The following RNF180 variants were observed in gnomAD, a reference collection of about 807,000 sequenced individuals.
RNF180 encodes E3 ubiquitin-protein ligase RNF180.
RNF180 carries 38 observed loss-of-function variants against 59.2 expected under a neutral mutation model. The ratio of observed to expected loss-of-function variants is 0.64; its 90% CI spans 0.50 to 0.84. The LOEUF is 0.84. Ranked by LOEUF, RNF180 falls within the 40% of genes least tolerant of loss-of-function variation. RNF180 has a pLI of 0.00. For synonymous variants in RNF180, 262 were observed against 240.3 expected (o/e 1.09, Z -0.84); for missense variants, 705 against 700.9 (o/e 1.01, Z -0.07).
chr5:64,327,938 G>A (rs1744725109), intron 6 of RNF180, among the ~76,000 whole-genome samples: 1 of 152,018 alleles, frequency 6.6e-6, no homozygotes, highest in South Asian at 2.1e-4. Flanking sequence ...TTTTATCTGG[G>A]TGTTCCAGTG....
intron 5 of RNF180, among the ~76,000 whole-genome samples, chr5:64,295,682 C>T (rs1474872954): frequency 6.6e-6 from 1 of 152,112 alleles, no homozygotes; most frequent in Non-Finnish European, 1.5e-5. Context: ...TTGGGGAACC[C>T]CAGGTAATGC....
At chr5:64,229,303 T>C (rs1341977916) in intron 5 of RNF180, among the ~76,000 whole-genome samples, 1 of 152,218 alleles carries the variant, frequency 6.6e-6, no homozygotes, top group Non-Finnish European at 1.5e-5. Context: ...TCTGTACTTT[T>C]GTGACCCTCT....
At chr5:64,207,873 C>T (rs1752100198) in intron 2 of RNF180, among the ~76,000 whole-genome samples, 1 of 152,014 alleles carries the variant, frequency 6.6e-6, no homozygotes, top group Non-Finnish European at 1.5e-5. Flanking sequence ...AGTCTTTTCC[C>T]TGTGGTGTTA....
At chr5:64,315,734 CA>C (rs869200360) in intron 5 of RNF180, among the ~76,000 whole-genome samples, 4,062 of 53,046 alleles carry the variant, frequency 0.077, 69 homozygotes, top group African/African-American at 0.16. Flanking sequence ...GTAACTGTCT[CA>C]AAAAAAAAAA....
intron 1 of RNF180, among the ~76,000 whole-genome samples, chr5:64,187,672 G>A (rs889071474): frequency 2.0e-5 from 3 of 151,932 alleles, no homozygotes; most frequent in African/African-American, 7.3e-5. Context: ...TGAAGTATCT[G>A]ATATCTTTCA....
rs147272311 is a variant in RNF180, at chr5:64,287,853, C to T, written c.1228-37333C>T. ...AGTTTTCTCCCATTCTTTAGGTTGTCGGTTCACTCTGATGATAGCTTCTTT... is the reference window on the plus strand; with the variant it reads ...AGTTTTCTCCCATTCTTTAGGTTGTTGGTTCACTCTGATGATAGCTTCTTT... On this transcript the variant is annotated intron_variant, in intron 5 of 7. Transcript: ENST00000389100. Among the ~76,000 whole-genome samples the T allele has an allele frequency of 4.8e-3, 724 of 152,210 alleles. 6 individuals carry two copies. Among genetic ancestry groups the T allele is most frequent in the African/African-American group, 0.017 (686 of 41,544 alleles).
chr5:64,218,525 TC>T (rs1248159640), intron 5 of RNF180, among the ~76,000 whole-genome samples: 1 of 152,220 alleles, frequency 6.6e-6, no homozygotes, highest in Non-Finnish European at 1.5e-5. Context: ...ACTTTGTTAT[TC>T]TTTTTCAAAA....
chr5:64,361,782 T>G (rs1313904713), intron 7 of RNF180, among the ~76,000 whole-genome samples: 1 of 151,512 alleles, frequency 6.6e-6, no homozygotes, highest in Non-Finnish European at 1.5e-5. Context: ...TACTATTAAC[T>G]CCAATCCAAA....
intron 1 of RNF180, among the ~76,000 whole-genome samples, chr5:64,175,200 C>G (rs892720016): frequency 1.3e-5 from 2 of 152,066 alleles, no homozygotes; most frequent in Non-Finnish European, 2.9e-5. Flanking sequence ...CTCCCAACTT[C>G]GGGTGATATG....
At chr5:64,244,209 C>T (rs571209940) in intron 5 of RNF180, among the ~76,000 whole-genome samples, 77 of 152,170 alleles carry the variant, frequency 5.1e-4, no homozygotes, top group African/African-American at 1.7e-3. Context: ...AACTCCTTAC[C>T]AGCAAGGGAA....
At chr5:64,338,370 C>T (rs1482898880) in intron 7 of RNF180, among the ~76,000 whole-genome samples, 2 of 152,188 alleles carry the variant, frequency 1.3e-5, no homozygotes, top group African/African-American at 4.8e-5. Context: ...CGCAGTGGCT[C>T]ATGCCTGTAA....
chr5:64,316,245 A>T (rs1006732353), intron 5 of RNF180, among the ~76,000 whole-genome samples: 5 of 152,136 alleles, frequency 3.3e-5, no homozygotes, highest in African/African-American at 9.7e-5. Flanking sequence ...TGCCCTCATT[A>T]ATCCTCTGAA....
Position 64,213,706 on chromosome 5 carries a change from C to T in RNF180, c.380C>T (p.Ala127Val), listed in dbSNP as rs1411688044. The change falls in exon 4 of 8, where the codon GCA (alanine) becomes GTA (valine). Residue 127 changes from alanine to valine, a missense_variant. By Grantham distance (64) the Ala-to-Val change is moderately conservative (BLOSUM62 0). Coordinates refer to ENST00000389100, the MANE Select transcript of RNF180 (RefSeq NM_001113561.2). ...KSRTDYQPTQAGRLMRPSVKY... is the reference protein window; with the variant it reads ...KSRTDYQPTQVGRLMRPSVKY... The stretch of plus-strand genomic sequence containing the variant: ...CGGACTGATTATCAGCCAACACAGG[C>T]AGGCAGACTAATGAGACCATCAGTG... 1 of 1,614,130 alleles carries T rather than the reference C, an allele frequency of 6.2e-7. No homozygotes were observed. The highest frequency in any genetic ancestry group is 1.7e-4 in the Middle Eastern group (1 of 6,060).
At chr5:64,243,363 T>C (rs1244620040) in intron 5 of RNF180, among the ~76,000 whole-genome samples, 1 of 152,160 alleles carries the variant, frequency 6.6e-6, no homozygotes, top group African/African-American at 2.4e-5. Flanking sequence ...AGCACAGCAG[T>C]CTGAAGTTGA....
rs1217346852 is a variant in RNF180, at chr5:64,229,339, A to T, written c.1227+11943A>T. On this transcript the variant is annotated intron_variant, in intron 5 of 7. Coordinates refer to ENST00000389100, the MANE Select transcript of RNF180 (RefSeq NM_001113561.2). ...CTGAAGTGCTGGTTTATTAACGGTG[A>T]AATGGATCATCTTGTTTTTCAACAC... is the stretch of plus-strand genomic sequence containing the variant. Among the ~76,000 whole-genome samples, 14 of 152,156 alleles carry T rather than the reference A, an allele frequency of 9.2e-5. 1 individual carries two copies. Among genetic ancestry groups the T allele is most frequent in the Non-Finnish European group, 2.9e-5 (2 of 68,030 alleles).
At chr5:64,340,339 C>CTGAT (rs1745309726) in intron 7 of RNF180, among the ~76,000 whole-genome samples, 1 of 152,110 alleles carries the variant, frequency 6.6e-6, no homozygotes, top group African/African-American at 2.4e-5. Context: ...ATGTAGGTGT[C>CTGAT]TGATATATAT....
chr5:64,196,707 A>G (rs1036594843), intron 1 of RNF180, among the ~76,000 whole-genome samples: 5 of 152,046 alleles, frequency 3.3e-5, no homozygotes, highest in Non-Finnish European at 7.4e-5. Context: ...TTTTTCTCAT[A>G]TTCTCCTTGT....
intron 5 of RNF180, among the ~76,000 whole-genome samples, chr5:64,278,906 T>C (rs1396829652): frequency 6.6e-5 from 10 of 152,100 alleles, no homozygotes; most frequent in Admixed American, 6.6e-4. Context: ...AGGTGTGAGC[T>C]GCTGTGCCTG....
intron 1 of RNF180, among the ~76,000 whole-genome samples, chr5:64,189,837 A>G (rs1188449752): frequency 1.3e-5 from 2 of 152,318 alleles, no homozygotes; most frequent in African/African-American, 2.4e-5. Context: ...GCCATTTTGG[A>G]TTAAAGGAGA....
Sources: gnomAD v4.1 joint callset for allele counts (sites outside exome capture counted in the v4.1 genomes callset) on GRCh38, gnomAD v4.1.1 for gene constraint, MANE v1.5 for transcripts, NCBI Gene and HGNC (gene_info 2026-07-23, HGNC 2026-07-21) for gene names.